The following LONRF3 variants were observed in gnomAD, a reference collection of about 807,000 sequenced individuals.
The protein encoded by LONRF3 is LON peptidase N-terminal domain and RING finger protein 3.
LONRF3 carries 19 observed loss-of-function variants against 51.7 expected under a neutral mutation model. That is an observed-to-expected ratio of 0.37 (90% CI 0.26 to 0.54). The LOEUF is 0.54. Ranked by LOEUF, LONRF3 falls within the 20% of genes least tolerant of loss-of-function variation. The probability of loss-of-function intolerance (pLI) is 0.86; values close to 1 mark genes in which losing one functional copy is unlikely to be tolerated. For missense variants in LONRF3, 521 were observed against 623.9 expected, an observed-to-expected ratio of 0.84 and a Z score of 1.76; for synonymous variants, 265 against 257.8, an observed-to-expected ratio of 1.03 and a Z score of -0.27.
chrX:118,977,644 A>T (rs112734697), intron 1 of LONRF3, among the ~76,000 whole-genome samples: 59 of 111,403 alleles, frequency 5.3e-4, no homozygotes, highest in African/African-American at 1.8e-3. Context: ...TCTGGGCTTG[A>T]TTTTCCCATC....
At chrX:119,012,445 C>T (rs1266052063) in intron 8 of LONRF3, among the ~76,000 whole-genome samples, 1 of 110,892 alleles carries the variant, frequency 9.0e-6, no homozygotes, top group Non-Finnish European at 1.9e-5. Context: ...TTTTGTGCTA[C>T]TATAACAGAA....
intron 3 of LONRF3, chrX:118,987,146 G>T: frequency 1.1e-6 from 1 of 911,016 alleles, no homozygotes; most frequent in Non-Finnish European, 1.5e-6. Context: ...CAAACGTGGG[G>T]AGTGAGCCCT....
rs369498035 is a variant in LONRF3, at chrX:118,975,135, G to A, written c.355G>A (p.Glu119Lys). ...RCLAEKVPQGEALAPAPPDEG... is the reference protein window; with the variant it reads ...RCLAEKVPQGKALAPAPPDEG... The stretch of plus-strand genomic sequence containing the variant: ...CCTGGCGGAGAAAGTCCCGCAAGGC[G>A]AGGCGCTGGCGCCGGCGCCCCCGGA... Residue 119 changes from glutamate (E) to lysine (K), a missense_variant, in exon 1 of 11, where the codon GAG (glutamate) becomes AAG (lysine). Glu to Lys is a moderately conservative substitution (Grantham distance 56, BLOSUM62 1). This residue lies in a region of LONRF3 where 376 missense variants were observed against 376.7 expected (regional missense o/e 1.00). Coordinates refer to ENST00000371628, the MANE Select transcript of LONRF3 (RefSeq NM_001031855.3). 789 of 1,168,586 alleles carry A rather than the reference G, an allele frequency of 6.8e-4. 1 individual carries two copies. The highest frequency in any genetic ancestry group is 7.2e-4 in the Non-Finnish European group (634 of 874,590).
At chrX:118,991,559 C>T (rs111621670) in intron 5 of LONRF3, among the ~76,000 whole-genome samples, 169 of 112,039 alleles carry the variant, frequency 1.5e-3, no homozygotes, top group African/African-American at 5.2e-3. Flanking sequence ...TTCACATGCT[C>T]CCCCACCCCA....
chrX:118,983,798 C>T (rs1922751336), intron 3 of LONRF3, among the ~76,000 whole-genome samples: 1 of 111,870 alleles, frequency 8.9e-6, no homozygotes, highest in African/African-American at 3.3e-5. Flanking sequence ...AGAAAGTGAG[C>T]AAGAGACAGA....
At chrX:118,978,998 C>CTTTTTTT (rs36016675) in intron 2 of LONRF3, among the ~76,000 whole-genome samples, 2 of 56,119 alleles carry the variant, frequency 3.6e-5, no homozygotes, top group Non-Finnish European at 6.0e-5. Context: ...TGTTTTCTTT[C>CTTTTTTT]TTTTTTTTTT....
intron 5 of LONRF3, among the ~76,000 whole-genome samples, chrX:118,996,921 C>CA (rs58609623): frequency 0.013 from 793 of 62,650 alleles, 7 homozygotes; most frequent in African/African-American, 0.03. Context: ...GACTCCATCT[C>CA]AAAAAAAAAA....
intron 4 of LONRF3, 31 bp from the exon 5 acceptor site, chrX:118,990,439 C>T: frequency 8.9e-7 from 1 of 1,125,585 alleles, no homozygotes. Context: ...GGGGTGGCTC[C>T]AGCGCTGACT....
intron 10 of LONRF3, among the ~76,000 whole-genome samples, chrX:119,016,354 T>TTTC (rs1569300086): frequency 8.8e-5 from 5 of 56,837 alleles, no homozygotes; most frequent in Admixed American, 1.9e-4. Flanking sequence ...TTCTTTCTTT[T>TTTC]TTTTTTTTTT....
intron 10 of LONRF3, among the ~76,000 whole-genome samples, chrX:119,015,821 C>G (rs1476840486): frequency 8.9e-6 from 1 of 112,349 alleles, no homozygotes; most frequent in Non-Finnish European, 1.9e-5. Context: ...AACCCATACC[C>G]ATCCCAGTTT....
rs757755872 is a variant in LONRF3, at chrX:118,990,565, G to C, written c.1415+5G>C. 1 of 1,182,384 alleles carries C rather than the reference G, an allele frequency of 8.5e-7. No homozygotes were observed. Among genetic ancestry groups the C allele is most frequent in the African/African-American group, 1.7e-5 (1 of 57,240 alleles). ...TGAATGCGCTCTATGTATGAGGTAC[G>C]TCCTGTGTACTATCATTTACTTCCT... is the stretch of plus-strand genomic sequence containing the variant. On this transcript the variant is annotated splice_donor_5th_base_variant and intron_variant, in intron 5 of 10. Coordinates refer to ENST00000371628, the MANE Select transcript of LONRF3 (RefSeq NM_001031855.3).
At chrX:118,982,385 A>G (rs1338021176) in intron 2 of LONRF3, among the ~76,000 whole-genome samples, 1 of 111,560 alleles carries the variant, frequency 9.0e-6, no homozygotes, top group Non-Finnish European at 1.9e-5. Flanking sequence ...TCAAGCCACT[A>G]CTGAGGACTG....
In LONRF3 at chrX:118,980,923, A is replaced by G. The variant is rs146411319; in HGVS notation, c.937-1898A>G. Among the ~76,000 whole-genome samples the G allele has an allele frequency of 3.9e-3, 440 of 111,928 alleles. 2 individuals carry two copies. Among genetic ancestry groups the G allele is most frequent in the African/African-American group, 0.014 (419 of 30,794 alleles). ...TTAAATAGGAGTTTCATTTCCCCAT[A>G]GTGATGAAGTGAGAGGTGGGGGCAG... On this transcript the variant is annotated intron_variant, in intron 2 of 10. Coordinates refer to ENST00000371628, the MANE Select transcript of LONRF3 (RefSeq NM_001031855.3).
intron 3 of LONRF3, chrX:118,987,086 ACT>A (rs1271012584): frequency 8.7e-7 from 1 of 1,148,042 alleles, no homozygotes; most frequent in East Asian, 3.3e-5. Flanking sequence ...TACAGGTAAA[ACT>A]CAACTCACCC....
chrX:119,012,407 G>A lies in LONRF3; in HGVS notation c.1811+434G>A, dbSNP rs1056948894. Among the ~76,000 whole-genome samples, 3 of 110,767 alleles carry A rather than the reference G, an allele frequency of 2.7e-5. No individual in the cohort carries two copies. In the East Asian group the frequency reaches 8.5e-4, roughly 31 times the overall value. ...GAGTTAATAATGTACATAAAATGCTGAGCACAGTTCCTGGCTTCCTTAGTC... is the reference window on the plus strand; with the variant it reads ...GAGTTAATAATGTACATAAAATGCTAAGCACAGTTCCTGGCTTCCTTAGTC... On this transcript the variant is annotated intron_variant, in intron 8 of 10. Coordinates refer to ENST00000371628, the MANE Select transcript of LONRF3 (RefSeq NM_001031855.3).
chrX:119,012,146 GCTGT>G (rs1211350974), intron 8 of LONRF3, among the ~76,000 whole-genome samples, 173 bp downstream of exon 8: 6 of 110,763 alleles, frequency 5.4e-5, no homozygotes, highest in South Asian at 7.8e-4. Context: ...CATGTGAGAG[GCTGT>G]CTATTTAAAG....
chrX:118,987,056 C>A (rs1242102765), intron 3 of LONRF3: 1 of 1,151,088 alleles, frequency 8.7e-7, no homozygotes, highest in Non-Finnish European at 1.1e-6. Context: ...AAGTTACCAG[C>A]CATAATCTAC....
intron 3 of LONRF3, among the ~76,000 whole-genome samples, chrX:118,986,051 AAC>A (rs35356301): frequency 0.085 from 7,118 of 83,616 alleles, 342 homozygotes; most frequent in East Asian, 0.28. Context: ...AGTATATGGA[AAC>A]ACACACACAC....
At chrX:119,012,097 C>A in intron 8 of LONRF3, 124 bp downstream of exon 8, 1 of 660,273 alleles carries the variant, frequency 1.5e-6, no homozygotes, top group Non-Finnish European at 2.3e-6. Flanking sequence ...AGAATATGAG[C>A]ATTTGTAAGG....
Sources: allele counts gnomAD v4.1 joint callset (sites outside exome capture counted in the v4.1 genomes callset), GRCh38; gene constraint gnomAD v4.1.1; regional missense constraint gnomAD v4.1.1; transcripts MANE v1.5; gene names NCBI Gene and HGNC (gene_info 2026-07-23, HGNC 2026-07-21).